Variants in DLGAP2 observed in about 807,000 individuals in gnomAD.
DLGAP2 encodes the protein DLG associated protein 2, also known as disks large-associated protein 2.
DLGAP2 carries 26 observed loss-of-function variants against 100.3 expected under a neutral mutation model. That is an observed-to-expected ratio of 0.26 (90% CI 0.19 to 0.36). The LOEUF (loss-of-function observed/expected upper bound fraction) is 0.36. DLGAP2 is among the 10% of genes least tolerant of loss of function. The pLI, the probability that DLGAP2 is intolerant of heterozygous loss-of-function variation, is 1.00. For synonymous variants in DLGAP2, 886 were observed against 630.1 expected (o/e 1.41, Z -6.08); for missense variants, 1,858 against 1,453.2 (o/e 1.28, Z -4.53).
intron 5 of DLGAP2, among the ~76,000 whole-genome samples, chr8:1,559,412 G>C (rs1253027205): frequency 1.3e-5 from 2 of 152,122 alleles, no homozygotes; most frequent in East Asian, 3.9e-4. Context: ...TTTTAGTATT[G>C]CTCTTCTGTT....
chr8:1,257,842 C>A (rs1193917634), intron 2 of DLGAP2, among the ~76,000 whole-genome samples: 1 of 152,246 alleles, frequency 6.6e-6, no homozygotes, highest in African/African-American at 2.4e-5. Context: ...CTCTCCCACC[C>A]TTGTGGGCTC....
At chr8:894,590 C>T (rs1025499925) in intron 1 of DLGAP2, among the ~76,000 whole-genome samples, 1 of 115,464 alleles carries the variant, frequency 8.7e-6, no homozygotes, top group Non-Finnish European at 1.7e-5. Context: ...GGAGGCGGAG[C>T]AGGGGTGTGG....
At chr8:1,034,099 G>A (rs1338706720) in intron 2 of DLGAP2, among the ~76,000 whole-genome samples, 3 of 54,976 alleles carry the variant, frequency 5.5e-5, no homozygotes, top group Non-Finnish European at 3.5e-5. Context: ...GCGTGTCACC[G>A]CGAGGGGACT....
intron 2 of DLGAP2, among the ~76,000 whole-genome samples, chr8:1,119,176 C>T (rs1240853983): frequency 6.6e-6 from 1 of 152,230 alleles, no homozygotes; most frequent in Non-Finnish European, 1.5e-5. Flanking sequence ...GGCATAAATG[C>T]CACATCCTTC....
intron 1 of DLGAP2, among the ~76,000 whole-genome samples, chr8:763,222 G>C (rs533847135): frequency 1.3e-5 from 2 of 152,326 alleles, no homozygotes; most frequent in Admixed American, 1.3e-4. Context: ...CAGCCGGGAT[G>C]AGGACTGGGG....
intron 2 of DLGAP2, among the ~76,000 whole-genome samples, chr8:1,009,744 C>T (rs1801222904): frequency 2.0e-5 from 3 of 152,186 alleles, no homozygotes; most frequent in Admixed American, 1.3e-4. Flanking sequence ...GAGTGGGCCA[C>T]CTCTCATTTG....
chr8:1,255,060 C>A (rs1292097046), intron 2 of DLGAP2, among the ~76,000 whole-genome samples: 1 of 110,036 alleles, frequency 9.1e-6, no homozygotes, highest in Admixed American at 1.0e-4. Context: ...TGTGTCCTCT[C>A]ATCCTGCCCG....
intron 1 of DLGAP2, among the ~76,000 whole-genome samples, chr8:800,031 T>C (rs1245906589): frequency 6.6e-6 from 1 of 151,972 alleles, no homozygotes; most frequent in Non-Finnish European, 1.5e-5. Context: ...GAGAAAACCA[T>C]GTTTCTGGAT....
At chr8:1,276,023 AAAT>A (rs1799686173) in intron 3 of DLGAP2, among the ~76,000 whole-genome samples, 2 of 136,766 alleles carry the variant, frequency 1.5e-5, no homozygotes, top group African/African-American at 5.4e-5. Flanking sequence ...TAGAATATAT[AAAT>A]AAATATATAA....
chr8:1,352,490 C>G (rs929550830), intron 3 of DLGAP2, among the ~76,000 whole-genome samples: 1 of 152,176 alleles, frequency 6.6e-6, no homozygotes, highest in Non-Finnish European at 1.5e-5. Flanking sequence ...AAAAACTCTT[C>G]CCACCCCAGA....
Position 1,386,683 on chromosome 8 carries a change from C to T in DLGAP2, c.107-114683C>T, listed in dbSNP as rs115281651. 8.6e-3 allele frequency among the ~76,000 whole-genome samples: 1,308 copies of T among 152,160 alleles called. 17 individuals are homozygous for T. The highest frequency in any genetic ancestry group is 0.03 in the African/African-American group (1,227 of 41,528). On this transcript the variant is annotated intron_variant, in intron 3 of 14. Coordinates refer to ENST00000637795, the MANE Select transcript of DLGAP2 (RefSeq NM_001346810.2). ...CCTGGACAGAGGAAGGTGCGGGGATCCAGGAACCAGGGATTCAGCCAGGTT... is the reference window on the plus strand; with the variant it reads ...CCTGGACAGAGGAAGGTGCGGGGATTCAGGAACCAGGGATTCAGCCAGGTT...
intron 1 of DLGAP2, among the ~76,000 whole-genome samples, chr8:849,977 T>G (rs1797154361): frequency 6.6e-6 from 1 of 151,486 alleles, no homozygotes; most frequent in Non-Finnish European, 1.5e-5. Flanking sequence ...GGCAGGAGAA[T>G]TGCTTGAACC....
intron 2 of DLGAP2, among the ~76,000 whole-genome samples, chr8:1,226,809 A>G (rs547621136): frequency 1.3e-5 from 2 of 152,200 alleles, no homozygotes; most frequent in African/African-American, 4.8e-5. Context: ...AATCAAAATC[A>G]CTGAGATACC....
intron 8 of DLGAP2, among the ~76,000 whole-genome samples, chr8:1,663,747 C>A (rs1054682837): frequency 1.3e-5 from 2 of 152,146 alleles, no homozygotes; most frequent in Non-Finnish European, 2.9e-5. Flanking sequence ...TGGTAAAAAT[C>A]ATCTCAAGAT....
intron 1 of DLGAP2, among the ~76,000 whole-genome samples, chr8:758,703 A>C (rs1411561567): frequency 6.6e-6 from 1 of 152,072 alleles, no homozygotes; most frequent in African/African-American, 2.4e-5. Context: ...CTGGTACTAC[A>C]GGTGTGCACC....
intron 6 of DLGAP2, among the ~76,000 whole-genome samples, chr8:1,602,307 C>A (rs1796653880): frequency 6.6e-6 from 1 of 152,188 alleles, no homozygotes; most frequent in Admixed American, 6.5e-5. Context: ...GTTGCTGTTT[C>A]TAATTAATGG....
chr8:1,673,596 T>G (rs1485002550), intron 10 of DLGAP2, among the ~76,000 whole-genome samples: 1 of 152,304 alleles, frequency 6.6e-6, no homozygotes, highest in East Asian at 1.9e-4. Context: ...CACGTGACCG[T>G]CCTTAAAGCT....
chr8:881,666 A>ATGTATATATAT lies in DLGAP2; in HGVS notation c.19-26246_19-26245insTGTATATATAT. ...AGGCGCACGCCACCACTTGTGGCTG[A>ATGTATATATAT]ACACACACACACACACTTTTTTTTT... On this transcript the variant is annotated intron_variant, in intron 1 of 14. Transcript: ENST00000637795. Among the ~76,000 whole-genome samples the ATGTATATATAT allele has an allele frequency of 7.1e-4, 93 of 130,902 alleles. 1 individual carries two copies. Among genetic ancestry groups the ATGTATATATAT allele is most frequent in the South Asian group, 1.2e-3 (5 of 4,162 alleles). 85.9% of individuals were successfully genotyped at this position (130,902 alleles called of 152,430 possible).
At chr8:1,155,145 G>A (rs546184144) in intron 2 of DLGAP2, among the ~76,000 whole-genome samples, 4 of 152,152 alleles carry the variant, frequency 2.6e-5, no homozygotes, top group Admixed American at 1.3e-4. Context: ...CTGGGGCAGC[G>A]GCTGGCCGGG....
Sources: allele counts gnomAD v4.1 joint callset (sites outside exome capture counted in the v4.1 genomes callset), GRCh38; gene constraint gnomAD v4.1.1; transcripts MANE v1.5; gene names NCBI Gene and HGNC (gene_info 2026-07-23, HGNC 2026-07-21).